Variants in SCPEP1 observed in about 807,000 individuals in gnomAD.
SCPEP1 encodes the protein retinoid-inducible serine carboxypeptidase.
Under a neutral mutation model 63.8 loss-of-function variants are expected in SCPEP1, and 51 were observed. The ratio of observed to expected loss-of-function variants is 0.80; its 90% CI spans 0.64 to 1.01. The LOEUF (loss-of-function observed/expected upper bound fraction) is 1.01, where lower values mean the gene tolerates loss of function less well. Ranked by LOEUF, SCPEP1 falls within the 50% of genes least tolerant of loss-of-function variation. The pLI is 0.00. For missense variants in SCPEP1, 499 were observed against 554.9 expected (o/e 0.90, Z 1.01); for synonymous variants, 204 against 207.8 (o/e 0.98, Z 0.16).
intron 10 of SCPEP1, among the ~76,000 whole-genome samples, chr17:57,000,389 C>T (rs1240124237): frequency 6.6e-6 from 1 of 152,112 alleles, no homozygotes; most frequent in Non-Finnish European, 1.5e-5. Context: ...TTTGGCTTTC[C>T]TGAGGGCCAG....
At position 56,998,481 on chromosome 17, in the gene SCPEP1, A is replaced by T. The variant is rs1489221758; in HGVS notation, c.977A>T (p.Glu326Val). 2.5e-6 allele frequency: 4 copies of T among 1,613,506 alleles called. No individual in the cohort carries two copies. Among genetic ancestry groups the T allele is most frequent in the Middle Eastern group, 1.6e-4 (1 of 6,084 alleles). ...AGAAAGAAGCTCAAAATTATTCCTG[A>T]GGATCAATCCTGGGGAGGTACTTAT... is the stretch of plus-strand genomic sequence containing the variant. ...PIRKKLKIIP[E>V]DQSWGGQATN... is the part of the protein sequence containing the mutation. Residue 326 changes from glutamate to valine, a missense_variant, in exon 10 of 13, where the codon GAG (glutamate) becomes GTG (valine). By Grantham distance (121) the Glu-to-Val change is moderately radical (BLOSUM62 -2). Coordinates refer to ENST00000262288, the MANE Select transcript of SCPEP1 (RefSeq NM_021626.3).
intron 1 of SCPEP1, among the ~76,000 whole-genome samples, chr17:56,979,011 C>T (rs1323101344): frequency 6.6e-6 from 1 of 152,200 alleles, no homozygotes; most frequent in Non-Finnish European, 1.5e-5. Flanking sequence ...CCTTATCTGT[C>T]ATTCTCAAGG....
intron 1 of SCPEP1, 125 bp downstream of exon 1, chr17:56,978,360 T>C (rs1238783747): frequency 1.2e-5 from 14 of 1,190,668 alleles, no homozygotes; most frequent in Non-Finnish European, 1.4e-5. Context: ...TGTGTAATTA[T>C]ATTGCTTTTG....
In SCPEP1 at chr17:57,006,182, G is replaced by A. The variant is rs1355518842; in HGVS notation, c.1306G>A (p.Asp436Asn). 3 of 1,611,012 alleles carry A rather than the reference G, an allele frequency of 1.9e-6. No individual in the cohort carries two copies. The highest frequency in any genetic ancestry group is 4.5e-5 in the East Asian group (2 of 44,502). The change falls in exon 13 of 13, where the codon GAC becomes AAC. Residue 436 changes from aspartate (D) to asparagine (N), a missense_variant. Transcript: ENST00000262288. Reference sequence around the variant, plus strand: ...TGTTGTTTTTTTCTAGGTTCCTTCTGACCAAGGGGACATGGCTCTGAAGAT... The same window carrying A: ...TGTTGTTTTTTTCTAGGTTCCTTCTAACCAAGGGGACATGGCTCTGAAGAT... Reference protein sequence around the residue: ...ILKAGHMVPSDQGDMALKMMR... With the variant: ...ILKAGHMVPSNQGDMALKMMR...
intron 2 of SCPEP1, among the ~76,000 whole-genome samples, chr17:56,982,043 T>A (rs1186709627): frequency 6.6e-6 from 1 of 152,202 alleles, no homozygotes; most frequent in African/African-American, 2.4e-5. Flanking sequence ...CCTTGAGCTC[T>A]GATTGTAGGA....
In SCPEP1 at chr17:57,001,040, A is replaced by G. The variant is rs1471500366; in HGVS notation, c.1132+48A>G. On this transcript the variant is annotated intron_variant, in intron 11 of 12. Transcript: ENST00000262288. ...ACCTAGAGGCAGTTTTATGGGTTCA[A>G]CTGGAAGGGAACTGGCCTTGGACAT... is the stretch of plus-strand genomic sequence containing the variant. 6 of 1,602,482 alleles carry G rather than the reference A, an allele frequency of 3.7e-6. No individual in the cohort carries two copies. The Admixed American group carries it at 1.0e-4, about 27-fold the overall frequency.
intron 6 of SCPEP1, among the ~76,000 whole-genome samples, chr17:56,991,619 G>A (rs76337098): frequency 0.014 from 2,160 of 152,270 alleles, 60 homozygotes; most frequent in African/African-American, 0.049. Flanking sequence ...CAAGGTTATC[G>A]TCTGGTCTTG....
chr17:56,993,505 A>T (rs1911458693), intron 6 of SCPEP1, among the ~76,000 whole-genome samples: 1 of 152,164 alleles, frequency 6.6e-6, no homozygotes, highest in African/African-American at 2.4e-5. Flanking sequence ...GTGCAGTGGC[A>T]CGATCTCGGC....
In SCPEP1 at chr17:56,988,280, A is replaced by G. The variant is rs924804724; in HGVS notation, c.536A>G (p.Glu179Gly). 6.2e-7 allele frequency: 1 copy of G among 1,610,614 alleles called. No homozygotes were observed. The highest frequency in any genetic ancestry group is 8.5e-7 in the Non-Finnish European group (1 of 1,177,594). ...AAAATGGCAGCTGGCATTGGTCTAG[A>G]GCTTTATAAGGTAATGGAAAATAAC... Reference protein sequence around the residue: ...GGKMAAGIGLELYKAIQRGTI... With the variant: ...GGKMAAGIGLGLYKAIQRGTI... Residue 179 changes from glutamate (E) to glycine (G), a missense_variant, in exon 5 of 13, where the codon GAG (glutamate) becomes GGG (glycine). Coordinates refer to ENST00000262288, the MANE Select transcript of SCPEP1 (RefSeq NM_021626.3).
At chr17:57,004,229 A>G (rs961854693) in intron 12 of SCPEP1, among the ~76,000 whole-genome samples, 1 of 152,246 alleles carries the variant, frequency 6.6e-6, no homozygotes, top group African/African-American at 2.4e-5. Flanking sequence ...CTGTCTCAAA[A>G]AAGAACAAAA....
At chr17:56,989,107 T>C (rs1445139283) in intron 5 of SCPEP1, among the ~76,000 whole-genome samples, 1 of 152,050 alleles carries the variant, frequency 6.6e-6, no homozygotes, top group African/African-American at 2.4e-5. Flanking sequence ...GGAGGATCGC[T>C]TGAGCTCAAG....
chr17:56,991,350 C>A (rs1911393008), intron 6 of SCPEP1, among the ~76,000 whole-genome samples, 179 bp downstream of exon 6: 1 of 152,148 alleles, frequency 6.6e-6, no homozygotes, highest in African/African-American at 2.4e-5. Context: ...CCACTAAGGG[C>A]TGAACTGAGT....
chr17:57,000,570 TC>T (rs1190660229), intron 10 of SCPEP1, among the ~76,000 whole-genome samples: 1 of 152,200 alleles, frequency 6.6e-6, no homozygotes, highest in African/African-American at 2.4e-5. Flanking sequence ...GGCCTCTCCC[TC>T]CCTGTTTCCT....
At chr17:56,990,760 A>T (rs1342468305) in intron 5 of SCPEP1, among the ~76,000 whole-genome samples, 1 of 151,962 alleles carries the variant, frequency 6.6e-6, no homozygotes, top group Non-Finnish European at 1.5e-5. Context: ...CAGCCTCCCG[A>T]GTAACTGGGA....
At chr17:56,981,628 G>A (rs1300492807) in intron 2 of SCPEP1, among the ~76,000 whole-genome samples, 3 of 152,032 alleles carry the variant, frequency 2.0e-5, no homozygotes, top group African/African-American at 7.2e-5. Flanking sequence ...CAGGCTGGCC[G>A]ACATAGTGAA....
chr17:56,982,089 A>G (rs894672976), intron 2 of SCPEP1, among the ~76,000 whole-genome samples: 8 of 152,164 alleles, frequency 5.3e-5, no homozygotes, highest in African/African-American at 1.9e-4. Flanking sequence ...ATTTGTAGGG[A>G]CAGGCAGAGG....
chr17:56,982,976 C>A (rs904333589), intron 2 of SCPEP1: 2 of 152,102 alleles, frequency 1.3e-5, no homozygotes, highest in Admixed American at 1.3e-4. Context: ...ATGGTGCTGA[C>A]TTCTCTCGGG....
chr17:56,996,798 C>T (rs1911577602), intron 8 of SCPEP1, among the ~76,000 whole-genome samples, 164 bp from the exon 9 acceptor site: 1 of 152,140 alleles, frequency 6.6e-6, no homozygotes, highest in African/African-American at 2.4e-5. Flanking sequence ...GGATTACAGA[C>T]ATGAGCCACC....
chr17:56,980,770 A>G (rs57864508), intron 1 of SCPEP1, among the ~76,000 whole-genome samples: 8,103 of 146,716 alleles, frequency 0.055, 739 homozygotes, highest in African/African-American at 0.19. Flanking sequence ...CCTGGGCAAC[A>G]AGAGCGAGAC....
Sources: allele counts gnomAD v4.1 joint callset (sites outside exome capture counted in the v4.1 genomes callset), GRCh38; gene constraint gnomAD v4.1.1; transcripts MANE v1.5; gene names NCBI Gene and HGNC (gene_info 2026-07-23, HGNC 2026-07-21).